The following TBX19 variants were observed in gnomAD, a reference collection of about 807,000 sequenced individuals.
TBX19 encodes T-box transcription factor 19.
A neutral mutation model predicts 40.9 loss-of-function variants in TBX19; 33 were observed. The observed-to-expected ratio is 0.81, with a 90% CI of 0.61 to 1.08. The LOEUF is 1.08. Among genes scored for constraint, TBX19 ranks in the 50% least tolerant of loss-of-function variants. TBX19 has a pLI of 0.00. For missense variants in TBX19, 494 were observed against 574.0 expected (o/e 0.86, Z 1.42); for synonymous variants, 220 against 225.0 (o/e 0.98, Z 0.20).
intron 5 of TBX19, among the ~76,000 whole-genome samples, chr1:168,301,787 G>A (rs1444046814): frequency 6.6e-6 from 1 of 152,194 alleles, no homozygotes; most frequent in Non-Finnish European, 1.5e-5. Flanking sequence ...CTGCTGATTG[G>A]TTATATATTG....
At chr1:168,287,467 G>A (rs1218810440) in intron 1 of TBX19, among the ~76,000 whole-genome samples, 1 of 152,028 alleles carries the variant, frequency 6.6e-6, no homozygotes, top group Non-Finnish European at 1.5e-5. Flanking sequence ...AATTTGAAAT[G>A]ATTTTTTTTT....
chr1:168,287,896 TAA>T lies in TBX19; in HGVS notation c.204-3251_204-3250del, dbSNP rs77467148. 4.1e-3 allele frequency among the ~76,000 whole-genome samples: 542 copies of T among 133,506 alleles called. 6 individuals carry two copies. The highest frequency in any genetic ancestry group is 0.013 in the African/African-American group (506 of 37,652). 87.6% of individuals were successfully genotyped at this position (133,506 alleles called of 152,430 possible). A position where few individuals can be genotyped will look rare whatever the true frequency, so the allele number is the denominator to read the frequency against. ...AAGCTAATAAGAAAGGAAAAGAGAG[TAA>T]AAAAAAAAAAAAGGAGTAGTGAATG... On this transcript the variant is annotated intron_variant, in intron 1 of 7. Transcript: ENST00000367821.
At chr1:168,300,123 C>T (rs1241156917) in intron 4 of TBX19, among the ~76,000 whole-genome samples, 1 of 152,026 alleles carries the variant, frequency 6.6e-6, no homozygotes, top group Non-Finnish European at 1.5e-5. Context: ...GTTATTATTG[C>T]TTGAATCTTG....
At chr1:168,302,524 C>CT (rs1649303981) in intron 5 of TBX19, among the ~76,000 whole-genome samples, 1 of 152,094 alleles carries the variant, frequency 6.6e-6, no homozygotes. Context: ...GTTTTGGGGC[C>CT]TGCAGTACTA....
intron 5 of TBX19, 83 bp from the exon 6 acceptor site, chr1:168,304,925 G>A: frequency 1.5e-6 from 2 of 1,344,652 alleles, no homozygotes; most frequent in Non-Finnish European, 2.1e-6. Context: ...AAGAATTGTA[G>A]CTGTGTAAAG....
chr1:168,283,657 C>A (rs1648729777), intron 1 of TBX19, among the ~76,000 whole-genome samples: 1 of 152,146 alleles, frequency 6.6e-6, no homozygotes, highest in Admixed American at 6.5e-5. Context: ...GTGTCTCCTT[C>A]AAATCCTTGC....
At chr1:168,299,349 T>G (rs1042738473) in intron 4 of TBX19, among the ~76,000 whole-genome samples, 7 of 152,214 alleles carry the variant, frequency 4.6e-5, no homozygotes, top group Non-Finnish European at 8.8e-5. Flanking sequence ...TTTCAAATCT[T>G]TTAAATAGTT....
chr1:168,307,830 A>T (rs540156624), intron 6 of TBX19, among the ~76,000 whole-genome samples: 1 of 152,208 alleles, frequency 6.6e-6, no homozygotes, highest in African/African-American at 2.4e-5. Flanking sequence ...AAGCAAATTA[A>T]CATGTCCATC....
intron 1 of TBX19, among the ~76,000 whole-genome samples, chr1:168,289,633 C>T (rs1326929009): frequency 6.6e-6 from 1 of 152,188 alleles, no homozygotes; most frequent in African/African-American, 2.4e-5. Flanking sequence ...CACACCAACA[C>T]AGCCTCATAA....
chr1:168,289,671 G>T (rs1004833559), intron 1 of TBX19, among the ~76,000 whole-genome samples: 2 of 152,210 alleles, frequency 1.3e-5, no homozygotes, highest in Non-Finnish European at 2.9e-5. Context: ...CACTGAGTTA[G>T]TTCATGCAAA....
intron 1 of TBX19, among the ~76,000 whole-genome samples, chr1:168,289,544 G>C (rs925216330): frequency 1.3e-5 from 2 of 152,144 alleles, no homozygotes; most frequent in Admixed American, 1.3e-4. Context: ...ATCGTCTGAT[G>C]CATTTTTCTC....
chr1:168,283,513 A>C (rs2102349803), intron 1 of TBX19, among the ~76,000 whole-genome samples: 1 of 152,232 alleles, frequency 6.6e-6, no homozygotes, highest in African/African-American at 2.4e-5. Context: ...CATTAGTCAC[A>C]CTTTACCTTT....
chr1:168,285,287 A>G (rs1648778130), intron 1 of TBX19, among the ~76,000 whole-genome samples: 2 of 151,550 alleles, frequency 1.3e-5, no homozygotes, highest in African/African-American at 4.8e-5. Flanking sequence ...ACACACACAC[A>G]CACACACACA....
At chr1:168,302,838 A>G (rs1572481154) in intron 5 of TBX19, among the ~76,000 whole-genome samples, 4 of 152,036 alleles carry the variant, frequency 2.6e-5, no homozygotes, top group African/African-American at 7.3e-5. Context: ...GCACCTTCAC[A>G]CTCGGCAGAA....
rs114853079 is a variant in TBX19, at chr1:168,295,573, C to G, written c.604-2151C>G. On this transcript the variant is annotated intron_variant, in intron 3 of 7. Coordinates refer to ENST00000367821, the MANE Select transcript of TBX19 (RefSeq NM_005149.3). ...GTAAACTGGCCTCTTGGCAGAGCCC[C>G]TGCAGCCAGTCAATGGAAACAGAAA... Among the ~76,000 whole-genome samples, 973 of 152,352 alleles carry G rather than the reference C, an allele frequency of 6.4e-3. 11 individuals carry two copies. The highest frequency in any genetic ancestry group is 0.022 in the African/African-American group (908 of 41,578).
At chr1:168,297,555 A>C (rs929253192) in intron 3 of TBX19, 169 bp from the exon 4 acceptor site, 1 of 707,590 alleles carries the variant, frequency 1.4e-6, no homozygotes, top group Admixed American at 2.0e-5. Context: ...CAAAGATGGA[A>C]AGGGCCTCTG....
chr1:168,294,987 A>G (rs1395465885), intron 3 of TBX19, among the ~76,000 whole-genome samples: 1 of 151,980 alleles, frequency 6.6e-6, no homozygotes, highest in Admixed American at 6.6e-5. Context: ...TGACACTCTA[A>G]TAGGTTAAAA....
chr1:168,304,442 G>A (rs1435981900), intron 5 of TBX19, among the ~76,000 whole-genome samples: 1 of 152,150 alleles, frequency 6.6e-6, no homozygotes, highest in Non-Finnish European at 1.5e-5. Flanking sequence ...AACCTGAAAA[G>A]ATATCTCTAA....
At chr1:168,304,729 G>T (rs916782558) in intron 5 of TBX19, among the ~76,000 whole-genome samples, 1 of 152,186 alleles carries the variant, frequency 6.6e-6, no homozygotes, top group Non-Finnish European at 1.5e-5. Flanking sequence ...AGATTGGGTA[G>T]ATCAGAAGTC....
Sources: allele counts gnomAD v4.1 joint callset (sites outside exome capture counted in the v4.1 genomes callset), GRCh38; gene constraint gnomAD v4.1.1; transcripts MANE v1.5; gene names NCBI Gene and HGNC (gene_info 2026-07-23, HGNC 2026-07-21).